Variants in CASTOR2 observed in about 807,000 individuals in gnomAD.
CASTOR2 encodes the protein cytosolic arginine sensor for mTORC1 subunit 2, also known as GATS protein like 2.
In CASTOR2, 8 loss-of-function variants were observed where a neutral mutation model predicts 31.2. The ratio of observed to expected loss-of-function variants is 0.26; its 90% CI spans 0.15 to 0.46. The LOEUF (loss-of-function observed/expected upper bound fraction) is 0.46. CASTOR2 is among the 20% of genes least tolerant of loss of function. The pLI is 0.99. For synonymous variants in CASTOR2, 162 were observed against 158.7 expected (o/e 1.02, Z -0.16); for missense variants, 216 against 382.1 (o/e 0.57, Z 3.62).
At chr7:75,004,680 C>G (rs1460555043) in intron 1 of CASTOR2, among the ~76,000 whole-genome samples, 1 of 152,204 alleles carries the variant, frequency 6.6e-6, no homozygotes, top group African/African-American at 2.4e-5. Flanking sequence ...CTCCTGACCT[C>G]GAGTGATCCG....
rs909298842 is a variant in CASTOR2, at chr7:75,019,858, A to G, written c.636-181A>G. ...GGCCTCCAGTACTGCAAAGTGTAGC[A>G]CCCGCCTTTGTGAATGCGGTGAAAT... On this transcript the variant is annotated intron_variant, in intron 5 of 8. Coordinates refer to ENST00000616305, the MANE Select transcript of CASTOR2 (RefSeq NM_001145064.3). Among the ~76,000 whole-genome samples the G allele has an allele frequency of 9.2e-5, 14 of 152,228 alleles. No individual in the cohort carries two copies. In the South Asian group the frequency reaches 2.5e-3, roughly 27 times the overall value.
Position 75,024,777 on chromosome 7 carries a change from A to G in CASTOR2, c.*78A>G. 1.9e-6 allele frequency: 3 copies of G among 1,551,162 alleles called. No homozygotes were observed. The highest frequency in any genetic ancestry group is 2.6e-6 in the Non-Finnish European group (3 of 1,146,806). On this transcript the variant is annotated 3_prime_UTR_variant, in exon 9 of 9. Transcript: ENST00000616305. ...AAGATTGATCTTGCAGTATTTCTCT[A>G]CAGACTGGAAAATCAGCCTGGGGAC...
At position 75,030,671 on chromosome 7, in the gene CASTOR2, C is replaced by T. The variant is rs951108473; in HGVS notation, c.*5972C>T. Among the ~76,000 whole-genome samples, 4 of 152,140 alleles carry T rather than the reference C, an allele frequency of 2.6e-5. No individual in the cohort carries two copies. Among genetic ancestry groups the T allele is most frequent in the African/African-American group, 7.2e-5 (3 of 41,408 alleles). ...TTGAGTGTCTTCACAATATGGCGCT[C>T]GGCTTCCCCCCAGAGCAAGAGATTC... On this transcript the variant is annotated 3_prime_UTR_variant, in exon 9 of 9. Coordinates refer to ENST00000616305, the MANE Select transcript of CASTOR2 (RefSeq NM_001145064.3).
In CASTOR2 at chr7:75,026,079, C is replaced by G. The variant is rs1349665337; in HGVS notation, c.*1380C>G. ...GGTGGACAGCCAGGTGGCAGGCCAG[C>G]TGAGTGGTCATGTCCAGGAGGCATG... On this transcript the variant is annotated 3_prime_UTR_variant, in exon 9 of 9. Transcript: ENST00000616305. Among the ~76,000 whole-genome samples, 1 of 152,030 alleles carries G rather than the reference C, an allele frequency of 6.6e-6. No individual in the cohort carries two copies. Among genetic ancestry groups the G allele is most frequent in the African/African-American group, 2.4e-5 (1 of 41,408 alleles).
intron 1 of CASTOR2, among the ~76,000 whole-genome samples, chr7:74,985,585 CAAAA>C (rs782053038): frequency 3.0e-5 from 2 of 67,544 alleles, no homozygotes; most frequent in Non-Finnish European, 5.1e-5. Context: ...CAGCCTGGCT[CAAAA>C]AAAAAAAAAA....
Position 75,024,656 on chromosome 7 carries a change from G to A in CASTOR2, c.947G>A (p.Gly316Asp). The A allele has an allele frequency of 6.4e-7, 1 of 1,551,606 alleles. No homozygotes were observed. Among genetic ancestry groups the A allele is most frequent in the Non-Finnish European group, 8.7e-7 (1 of 1,146,866 alleles). ...HALVPEENIN[G>D]VISALKVSQA... ...CAGGTCCCCGAAGAGAACATCAATG[G>A]TGTCATCAGTGCCCTGAAGGTCAGC... Residue 316 changes from glycine (G) to aspartate (D), a missense_variant, in exon 9 of 9, where the codon GGT becomes GAT. By Grantham distance (94) the Gly-to-Asp change is moderately conservative (BLOSUM62 -1). Coordinates refer to ENST00000616305, the MANE Select transcript of CASTOR2 (RefSeq NM_001145064.3).
Position 75,028,235 on chromosome 7 carries a change from A to G in CASTOR2, c.*3536A>G. On this transcript the variant is annotated 3_prime_UTR_variant, in exon 9 of 9. Coordinates refer to ENST00000616305, the MANE Select transcript of CASTOR2 (RefSeq NM_001145064.3). ...TCCTGGGTTCAAGCGAGTCTCCTAC[A>G]TTGGCCTCCCAAGTAGGTGAGATTA... 6.6e-6 allele frequency among the ~76,000 whole-genome samples: 1 copy of G among 150,714 alleles called. No individual in the cohort carries two copies. Among genetic ancestry groups the G allele is most frequent in the East Asian group, 2.0e-4 (1 of 5,122 alleles).
In CASTOR2 at chr7:75,024,931, C is replaced by G; in HGVS notation, c.*232C>G. ...CCCGACCCTCCAGAGAACGACCTTT[C>G]TCTTCCCTACCTCCCCCACCCCGGA... On this transcript the variant is annotated 3_prime_UTR_variant, in exon 9 of 9. Transcript: ENST00000616305. 2.0e-6 allele frequency: 2 copies of G among 979,736 alleles called. No individual in the cohort carries two copies. Among genetic ancestry groups the G allele is most frequent in the Non-Finnish European group, 3.0e-6 (2 of 665,214 alleles). The allele number at this position is 979,736 out of a possible 1,614,324, so 60.7% of individuals were successfully genotyped here. A position where few individuals can be genotyped will look rare whatever the true frequency, so the allele number is the denominator to read the frequency against.
chr7:74,984,136 C>T (rs1804010296), intron 1 of CASTOR2, among the ~76,000 whole-genome samples: 2 of 148,888 alleles, frequency 1.3e-5, no homozygotes, highest in African/African-American at 5.0e-5. Context: ...TTCTAAAAAC[C>T]AAGGAATAGA....
intron 1 of CASTOR2, among the ~76,000 whole-genome samples, chr7:74,994,063 TA>T (rs1379148153): frequency 6.6e-6 from 1 of 151,900 alleles, no homozygotes; most frequent in African/African-American, 2.4e-5. Context: ...AATCCCAGAG[TA>T]AACAGATCAA....
intron 1 of CASTOR2, among the ~76,000 whole-genome samples, chr7:74,988,167 T>C (rs1270029601): frequency 1.3e-5 from 2 of 151,122 alleles, no homozygotes; most frequent in Non-Finnish European, 2.9e-5. Context: ...TCTGGTTCTG[T>C]CACCCAGGCT....
chr7:75,000,951 C>T (rs1360909034), intron 1 of CASTOR2, among the ~76,000 whole-genome samples: 2 of 152,316 alleles, frequency 1.3e-5, no homozygotes, highest in South Asian at 4.1e-4. Context: ...GCATGATCCA[C>T]CGCACCCGGC....
rs1340309583 is a variant in CASTOR2 at position 74,996,014 on chromosome 7, G to C, written c.114-11980G>C. On this transcript the variant is annotated intron_variant, in intron 1 of 8. Coordinates refer to ENST00000616305, the MANE Select transcript of CASTOR2 (RefSeq NM_001145064.3). ...ATGGGCGAATGATCAGAGACTTTCT[G>C]AGAGGGTGCCCTCCCCAGTTGGTCT... Among the ~76,000 whole-genome samples the C allele has an allele frequency of 1.2e-4, 19 of 152,172 alleles. 1 individual carries two copies. The Middle Eastern group carries it at 0.01, about 82-fold the overall frequency.
At chr7:74,999,150 C>T (rs1804428899) in intron 1 of CASTOR2, among the ~76,000 whole-genome samples, 1 of 152,006 alleles carries the variant, frequency 6.6e-6, no homozygotes, top group Non-Finnish European at 1.5e-5. Flanking sequence ...CGCCCGCCAC[C>T]ATGCCCAGCT....
intron 1 of CASTOR2, among the ~76,000 whole-genome samples, chr7:75,004,110 G>A (rs1223084390): frequency 3.9e-5 from 6 of 152,282 alleles, no homozygotes; most frequent in African/African-American, 1.2e-4. Flanking sequence ...GGGCAGCTGG[G>A]CAGCCCCGCC....
intron 1 of CASTOR2, among the ~76,000 whole-genome samples, chr7:74,997,153 G>A (rs1394955037): frequency 4.0e-5 from 6 of 148,304 alleles, no homozygotes; most frequent in East Asian, 2.0e-4. Flanking sequence ...TCCTGGGCTC[G>A]AGCAATCCTC....
chr7:74,980,631 C>G (rs1803926526), intron 1 of CASTOR2, among the ~76,000 whole-genome samples: 1 of 138,106 alleles, frequency 7.2e-6, no homozygotes, highest in South Asian at 2.2e-4. Context: ...CAGTGGTGGC[C>G]TCTGTCCCCA....
In CASTOR2 at chr7:75,024,358, C is replaced by A; in HGVS notation, c.830-82C>A. The A allele has an allele frequency of 2.9e-6, 4 of 1,377,704 alleles. No homozygotes were observed. In the South Asian group the frequency reaches 5.0e-5, roughly 17 times the overall value. The allele number at this position is 1,377,704 out of a possible 1,614,324, so 85.3% of individuals were successfully genotyped here. A position where few individuals can be genotyped will look rare whatever the true frequency, so the allele number is the denominator to read the frequency against. ...TGGTGGGTGCAGGGTAGGCATTGCC[C>A]ACAGAGGGTAGAGGCTGAAGAGCCA... On this transcript the variant is annotated intron_variant, in intron 7 of 8. Transcript: ENST00000616305.
intron 1 of CASTOR2, among the ~76,000 whole-genome samples, chr7:75,007,313 A>G (rs1310251442): frequency 1.3e-5 from 2 of 152,080 alleles, no homozygotes; most frequent in African/African-American, 4.8e-5. Context: ...CGAGGCCAGC[A>G]GGGTCAGGGT....
Sources: gnomAD v4.1 joint callset for allele counts (sites outside exome capture counted in the v4.1 genomes callset) on GRCh38, gnomAD v4.1.1 for gene constraint, MANE v1.5 for transcripts, NCBI Gene and HGNC (gene_info 2026-07-23, HGNC 2026-07-21) for gene names.